Variants in PDSS2 observed in about 807,000 individuals in gnomAD.
PDSS2 encodes the protein decaprenyl diphosphate synthase subunit 2.
In PDSS2, 31 loss-of-function variants were observed where a neutral mutation model predicts 44.5. The observed-to-expected ratio is 0.70, with a 90% CI of 0.52 to 0.94. PDSS2 has a LOEUF of 0.94. PDSS2 is among the 40% of genes least tolerant of loss of function. PDSS2 has a pLI of 0.00. For missense variants in PDSS2, 452 were observed against 482.2 expected (o/e 0.94, Z 0.59); for synonymous variants, 157 against 180.3 (o/e 0.87, Z 1.03).
intron 2 of PDSS2, among the ~76,000 whole-genome samples, chr6:107,295,033 G>A (rs1776467236): frequency 1.3e-5 from 2 of 152,172 alleles, no homozygotes; most frequent in Non-Finnish European, 1.5e-5. Flanking sequence ...TGGGGTTCAA[G>A]CGATTCTCCT....
At chr6:107,334,079 T>C (rs1777796190) in intron 2 of PDSS2, 119 bp downstream of exon 2, 5 of 947,158 alleles carry the variant, frequency 5.3e-6, no homozygotes, top group Non-Finnish European at 8.4e-6. Context: ...TTTTTAACCT[T>C]ATATTTTAAT....
intron 1 of PDSS2, among the ~76,000 whole-genome samples, chr6:107,390,903 T>C (rs1415917019): frequency 6.6e-6 from 1 of 152,132 alleles, no homozygotes; most frequent in African/African-American, 2.4e-5. Flanking sequence ...ATCTAGAGAA[T>C]AATTGAGTTT....
At chr6:107,155,780 A>G (rs1441923354) in intron 7 of PDSS2, among the ~76,000 whole-genome samples, 1 of 147,472 alleles carries the variant, frequency 6.8e-6, no homozygotes, top group African/African-American at 2.5e-5. Flanking sequence ...GGGTTTCGCC[A>G]TGTTGGCCAG....
At chr6:107,397,591 G>GA (rs1779989320) in intron 1 of PDSS2, among the ~76,000 whole-genome samples, 1 of 152,172 alleles carries the variant, frequency 6.6e-6, no homozygotes, top group Non-Finnish European at 1.5e-5. Context: ...GTTGCAAGCT[G>GA]AATTAGCTGG....
At chr6:107,210,130 TA>T (rs956563975) in intron 6 of PDSS2, among the ~76,000 whole-genome samples, 8 of 152,172 alleles carry the variant, frequency 5.3e-5, no homozygotes, top group African/African-American at 1.9e-4. Context: ...GTGGTGCTAT[TA>T]CCATAGCCCA....
rs373677157 is a variant in PDSS2 at position 107,409,354 on chromosome 6, C to A, written c.296+49636G>T. 6.6e-5 allele frequency among the ~76,000 whole-genome samples: 10 copies of A among 151,742 alleles called. No homozygotes were observed. In the East Asian group the frequency reaches 1.2e-3, roughly 18 times the overall value. On this transcript the variant is annotated intron_variant, in intron 1 of 7. Transcript: ENST00000369037. ...ATATATTAATTTCCCAAATTCCAAT[C>A]GAAAATCTCTGTTTGAAACTGCCTA...
intron 1 of PDSS2, among the ~76,000 whole-genome samples, chr6:107,405,569 C>T (rs556398512): frequency 6.8e-4 from 103 of 152,162 alleles, no homozygotes; most frequent in Non-Finnish European, 1.1e-3. Context: ...ATACAGAGGC[C>T]GGGCGCGGTG....
Position 107,274,051 on chromosome 6 carries a change from A to G in PDSS2, c.608T>C (p.Leu203Pro). 1.9e-6 allele frequency: 3 copies of G among 1,614,036 alleles called. No homozygotes were observed. The highest frequency in any genetic ancestry group is 1.1e-5 in the South Asian group (1 of 91,076). The change falls in exon 3 of 8, where the codon CTA becomes CCA. Residue 203 changes from leucine to proline, a missense_variant. Transcript: ENST00000369037. ...DFLLANACNG[L>P]ALLQNTKVVE... ...TACCTTGGTGTTCTGTAGCAGAGCT[A>G]GTCCATTGCAGGCATTTGCTAGAAG...
intron 1 of PDSS2, among the ~76,000 whole-genome samples, chr6:107,381,398 C>T (rs1779451005): frequency 6.6e-6 from 1 of 152,182 alleles, no homozygotes; most frequent in African/African-American, 2.4e-5. Context: ...AAAACTGGCT[C>T]ATCCTCTTGG....
In PDSS2 at chr6:107,152,572, A is replaced by G. The variant is rs548077593; in HGVS notation, c.*2047T>C. The G allele has an allele frequency of 6.6e-6, 1 of 152,226 alleles. No individual in the cohort carries two copies. Among genetic ancestry groups the G allele is most frequent in the East Asian group, 1.9e-4 (1 of 5,190 alleles). The allele number at this position is 152,226 out of a possible 1,614,324, so 9.4% of individuals were successfully genotyped here. A position where few individuals can be genotyped will look rare whatever the true frequency, so the allele number is the denominator to read the frequency against. On this transcript the variant is annotated 3_prime_UTR_variant, in exon 8 of 8. Coordinates refer to ENST00000369037, the MANE Select transcript of PDSS2 (RefSeq NM_020381.4). ...CAAACCTGGAAAGAATTTCATAATT[A>G]TCTTGTTTAATCTCTTTTTTTTTTT...
At chr6:107,259,939 A>C (rs777928169) in intron 3 of PDSS2, among the ~76,000 whole-genome samples, 1 of 152,182 alleles carries the variant, frequency 6.6e-6, no homozygotes, top group Admixed American at 6.6e-5. Flanking sequence ...AAAACCAAAG[A>C]CTTGATTTGC....
At chr6:107,264,828 A>G (rs1219197137) in intron 3 of PDSS2, among the ~76,000 whole-genome samples, 1 of 152,174 alleles carries the variant, frequency 6.6e-6, no homozygotes, top group Non-Finnish European at 1.5e-5. Context: ...GCATGACCAC[A>G]TCACTACAGC....
At chr6:107,169,381 A>T (rs1771479340) in intron 7 of PDSS2, among the ~76,000 whole-genome samples, 1 of 152,066 alleles carries the variant, frequency 6.6e-6, no homozygotes, top group African/African-American at 2.4e-5. Context: ...CCATTCGTCT[A>T]ATCTTTTTTT....
chr6:107,350,103 G>A (rs973026128), intron 1 of PDSS2, among the ~76,000 whole-genome samples: 2 of 152,136 alleles, frequency 1.3e-5, no homozygotes, highest in Non-Finnish European at 2.9e-5. Flanking sequence ...TACATCTCAG[G>A]CGGGAAGATC....
In PDSS2 at chr6:107,301,921, C is replaced by CAA. The variant is rs10592658; in HGVS notation, c.432-27696_432-27695dup. 9.4e-3 allele frequency among the ~76,000 whole-genome samples: 738 copies of CAA among 78,580 alleles called. 20 individuals are homozygous for CAA. The highest frequency in any genetic ancestry group is 0.013 in the Non-Finnish European group (561 of 44,580). 51.6% of individuals were successfully genotyped at this position (78,580 alleles called of 152,430 possible). A position where few individuals can be genotyped will look rare whatever the true frequency, so the allele number is the denominator to read the frequency against. On this transcript the variant is annotated intron_variant, in intron 2 of 7. Coordinates refer to ENST00000369037, the MANE Select transcript of PDSS2 (RefSeq NM_020381.4). ...CCTGGGTGACAGTGAGACTCTATCT[C>CAA]AAAAAAAAAAAAAAAAAAAAAAAAA...
intron 7 of PDSS2, among the ~76,000 whole-genome samples, chr6:107,156,320 G>A (rs1364550377): frequency 2.0e-5 from 3 of 149,314 alleles, no homozygotes; most frequent in South Asian, 2.2e-4. Context: ...TCAGCCTCCC[G>A]AGTAGCTGGG....
At chr6:107,361,708 T>G (rs1421932412) in intron 1 of PDSS2, among the ~76,000 whole-genome samples, 2 of 152,220 alleles carry the variant, frequency 1.3e-5, no homozygotes, top group Non-Finnish European at 2.9e-5. Context: ...CCATTTATCA[T>G]GATGGAATGA....
intron 7 of PDSS2, among the ~76,000 whole-genome samples, chr6:107,169,765 T>C (rs1308815600): frequency 2.6e-5 from 4 of 152,184 alleles, no homozygotes; most frequent in African/African-American, 9.7e-5. Context: ...TTTGCCTGGG[T>C]ATCAGCAGCA....
chr6:107,331,818 T>C (rs1777719690), intron 2 of PDSS2, among the ~76,000 whole-genome samples: 1 of 152,136 alleles, frequency 6.6e-6, no homozygotes, highest in Admixed American at 6.5e-5. Flanking sequence ...TTTGCAAGGA[T>C]TATTTTAGGA....
Sources: gnomAD v4.1 joint callset for allele counts (sites outside exome capture counted in the v4.1 genomes callset) on GRCh38, gnomAD v4.1.1 for gene constraint, MANE v1.5 for transcripts, NCBI Gene and HGNC (gene_info 2026-07-23, HGNC 2026-07-21) for gene names.